The following TBC1D2B variants were observed in gnomAD, a reference collection of about 807,000 sequenced individuals.
The protein encoded by TBC1D2B is TBC1 domain family, member 2B.
TBC1D2B carries 64 observed loss-of-function variants against 100.8 expected under a neutral mutation model. The ratio of observed to expected loss-of-function variants is 0.64; its 90% CI spans 0.52 to 0.78. The LOEUF (loss-of-function observed/expected upper bound fraction) is 0.78, where lower values mean the gene tolerates loss of function less well. Among genes scored for constraint, TBC1D2B ranks in the 30% least tolerant of loss-of-function variants. The pLI is 0.00. For missense variants in TBC1D2B, 1,052 were observed against 1,218.4 expected (o/e 0.86, Z 2.03); for synonymous variants, 480 against 479.7 (o/e 1.00, Z -0.01).
chr15:77,999,751 C>T lies in TBC1D2B; in HGVS notation c.2697-1396G>A, dbSNP rs2071861732. 2.6e-5 allele frequency among the ~76,000 whole-genome samples: 4 copies of T among 152,220 alleles called. No individual in the cohort carries two copies. In the South Asian group the frequency reaches 8.3e-4, roughly 32 times the overall value. Reference sequence around the variant, plus strand: ...GAAGTATAATTCTTCATTTGTTCCTCAGTCAGGAGCTGACAGAGGCCCCTC... The same window carrying T: ...GAAGTATAATTCTTCATTTGTTCCTTAGTCAGGAGCTGACAGAGGCCCCTC... On this transcript the variant is annotated intron_variant, in intron 12 of 12. Transcript: ENST00000300584.
At chr15:78,013,381 CAGAAAT>C in intron 8 of TBC1D2B, 64 bp from the exon 9 acceptor site, 1 of 1,440,216 alleles carries the variant, frequency 6.9e-7, no homozygotes, top group Non-Finnish European at 9.2e-7. Context: ...ACCAATGCAA[CAGAAAT>C]AGAGAGTCTA....
chr15:78,052,130 A>AC (rs1442939107), intron 2 of TBC1D2B, among the ~76,000 whole-genome samples: 1 of 151,808 alleles, frequency 6.6e-6, no homozygotes, highest in Non-Finnish European at 1.5e-5. Context: ...ACTCCCCACA[A>AC]CTGCTTCCAG....
At position 78,077,448 on chromosome 15, in the gene TBC1D2B, A is replaced by T; in HGVS notation, c.205T>A (p.Tyr69Asn). Reference sequence around the variant, plus strand: ...AGCGCGTCCTGCGGACTCTTGAAATAGTAAAGGTAGCAGCGGCGCGCGTCG... The same window carrying T: ...AGCGCGTCCTGCGGACTCTTGAAATTGTAAAGGTAGCAGCGGCGCGCGTCG... ...VFDARRCYLY[Y>N]FKSPQDALPL... Residue 69 changes from tyrosine (Y) to asparagine (N), a missense_variant, in exon 1 of 13, where the codon TAT (tyrosine) becomes AAT (asparagine). Transcript: ENST00000300584. 1 of 1,542,718 alleles carries T rather than the reference A, an allele frequency of 6.5e-7. No homozygotes were observed. Among genetic ancestry groups the T allele is most frequent in the Non-Finnish European group, 8.7e-7 (1 of 1,144,054 alleles).
At chr15:78,061,900 TAAATC>T (rs1295427760) in intron 1 of TBC1D2B, among the ~76,000 whole-genome samples, 3 of 152,190 alleles carry the variant, frequency 2.0e-5, no homozygotes, top group African/African-American at 4.8e-5. Context: ...TGACAGGACT[TAAATC>T]AAGCAATGTG....
At position 77,997,911 on chromosome 15, in the gene TBC1D2B, C is replaced by A. The variant is rs952530888; in HGVS notation, c.*249G>T. The stretch of plus-strand genomic sequence containing the variant: ...AGCCACTGGTAAGCCTGAGGATCCA[C>A]CAACCAGGCAGAAAGCGTGACTGAG... On this transcript the variant is annotated 3_prime_UTR_variant, in exon 13 of 13. Transcript: ENST00000300584. 7.7e-5 allele frequency: 28 copies of A among 365,144 alleles called. No homozygotes were observed. Among genetic ancestry groups the A allele is most frequent in the Non-Finnish European group, 1.1e-4 (23 of 203,666 alleles). The allele number at this position is 365,144 out of a possible 1,614,324, so 22.6% of individuals were successfully genotyped here.
intron 4 of TBC1D2B, among the ~76,000 whole-genome samples, chr15:78,027,736 A>C (rs1301389549): frequency 6.6e-6 from 1 of 152,220 alleles, no homozygotes; most frequent in Non-Finnish European, 1.5e-5. Context: ...TTTCACCCTC[A>C]GTCTCTACTG....
chr15:78,060,874 G>A (rs867950584), intron 1 of TBC1D2B, among the ~76,000 whole-genome samples: 9 of 151,858 alleles, frequency 5.9e-5, no homozygotes, highest in Middle Eastern at 3.4e-3. Context: ...CCGAGATCGC[G>A]CCACTGCACT....
chr15:78,056,686 C>CTTT lies in TBC1D2B; in HGVS notation c.361-2502_361-2500dup, dbSNP rs368714497. 1.6e-3 allele frequency among the ~76,000 whole-genome samples: 184 copies of CTTT among 112,864 alleles called. 3 individuals carry two copies. The highest frequency in any genetic ancestry group is 3.7e-3 in the African/African-American group (94 of 25,276). The allele number at this position is 112,864 out of a possible 152,430, so 74.0% of individuals were successfully genotyped here. On this transcript the variant is annotated intron_variant, in intron 1 of 12. Coordinates refer to ENST00000300584, the MANE Select transcript of TBC1D2B (RefSeq NM_144572.2). ...AGCCCAAAGCCCACCCAGTCCTCCT[C>CTTT]TTTTTTTTTTTTTTTTTTTTTTTTT...
intron 9 of TBC1D2B, 115 bp from the exon 10 acceptor site, chr15:78,009,229 A>C: frequency 1.5e-6 from 1 of 687,324 alleles, no homozygotes; most frequent in Non-Finnish European, 2.5e-6. Context: ...AATTATTTCT[A>C]GTTCTCCAAT....
rs548861388 is a variant in TBC1D2B, at chr15:78,019,906, G to C, written c.1471-1949C>G. 4.5e-3 allele frequency among the ~76,000 whole-genome samples: 681 copies of C among 151,772 alleles called. 7 individuals carry two copies. The highest frequency in any genetic ancestry group is 6.8e-3 in the Non-Finnish European group (459 of 67,868). The stretch of plus-strand genomic sequence containing the variant: ...TCTGTATCAAAAAAAAAAAAAGGGG[G>C]GGGGAGACAGGGTCTCACTCTTGCC... On this transcript the variant is annotated intron_variant, in intron 6 of 12. Coordinates refer to ENST00000300584, the MANE Select transcript of TBC1D2B (RefSeq NM_144572.2).
At chr15:78,005,457 G>A (rs1018273434) in intron 10 of TBC1D2B, among the ~76,000 whole-genome samples, 1 of 152,206 alleles carries the variant, frequency 6.6e-6, no homozygotes. Flanking sequence ...AGTGCTCAGG[G>A]TTGACAGCAC....
intron 1 of TBC1D2B, among the ~76,000 whole-genome samples, chr15:78,076,582 T>TA (rs34714222): frequency 0.12 from 17,680 of 146,802 alleles, 1,062 homozygotes; most frequent in South Asian, 0.13. Flanking sequence ...CCCGTTTCTT[T>TA]AAAAAAAAAA....
At chr15:78,064,914 C>T (rs999818271) in intron 1 of TBC1D2B, among the ~76,000 whole-genome samples, 2 of 152,184 alleles carry the variant, frequency 1.3e-5, no homozygotes, top group African/African-American at 4.8e-5. Flanking sequence ...AACAAATTCT[C>T]CTTTCGTATC....
At chr15:78,071,073 C>T (rs1268202097) in intron 1 of TBC1D2B, among the ~76,000 whole-genome samples, 1 of 152,230 alleles carries the variant, frequency 6.6e-6, no homozygotes, top group Admixed American at 6.5e-5. Context: ...CCACCCACCT[C>T]GGCTTCCCAA....
chr15:78,051,344 A>C (rs900358752), intron 2 of TBC1D2B, among the ~76,000 whole-genome samples: 1 of 152,212 alleles, frequency 6.6e-6, no homozygotes, highest in Non-Finnish European at 1.5e-5. Context: ...TTTGATCTTT[A>C]TAACAACTAT....
rs543426527 is a variant in TBC1D2B at position 78,060,511 on chromosome 15, G to A, written c.361-6324C>T. On this transcript the variant is annotated intron_variant, in intron 1 of 12. Transcript: ENST00000300584. The stretch of plus-strand genomic sequence containing the variant: ...AAAAAAATTAGCCAGGCATGGTGGC[G>A]TGTGCTTGTAGTACCAGCTACTCAG... 4.0e-5 allele frequency among the ~76,000 whole-genome samples: 6 copies of A among 151,170 alleles called. No individual in the cohort carries two copies. In the South Asian group the frequency reaches 6.3e-4, roughly 16 times the overall value.
At chr15:78,023,880 G>T (rs948368456) in intron 6 of TBC1D2B, among the ~76,000 whole-genome samples, 1 of 152,212 alleles carries the variant, frequency 6.6e-6, no homozygotes, top group African/African-American at 2.4e-5. Flanking sequence ...AAGTACTAAG[G>T]GTGGTATATA....
In TBC1D2B at chr15:78,003,504, A is replaced by C. The variant is rs202234676; in HGVS notation, c.2389-14T>G. On this transcript the variant is annotated splice_polypyrimidine_tract_variant and intron_variant, in intron 10 of 12. Coordinates refer to ENST00000300584, the MANE Select transcript of TBC1D2B (RefSeq NM_144572.2). Reference sequence around the variant, plus strand: ...CCGCTGGTCCACCTGGAGAGGGAACAAAGGGGAGAAGTGTATCAGGCCTGC... The same window carrying C: ...CCGCTGGTCCACCTGGAGAGGGAACCAAGGGGAGAAGTGTATCAGGCCTGC... 31 of 1,599,622 alleles carry C rather than the reference A, an allele frequency of 1.9e-5. No homozygotes were observed. In the African/African-American group the frequency reaches 3.9e-4, roughly 20 times the overall value.
chr15:78,044,837 T>A, intron 3 of TBC1D2B, 63 bp downstream of exon 3: 1 of 1,383,550 alleles, frequency 7.2e-7, no homozygotes, highest in Non-Finnish European at 9.8e-7. Context: ...TTTATAAAAT[T>A]ATAACATACA....
Sources: allele counts gnomAD v4.1 joint callset (sites outside exome capture counted in the v4.1 genomes callset), GRCh38; gene constraint gnomAD v4.1.1; transcripts MANE v1.5; gene names NCBI Gene and HGNC (gene_info 2026-07-23, HGNC 2026-07-21).